Variants in MYO6 observed in about 807,000 individuals in gnomAD.
MYO6 encodes the protein myosin VI.
MYO6 carries 74 observed loss-of-function variants against 178.7 expected under a neutral mutation model. That is an observed-to-expected ratio of 0.41 (90% CI 0.34 to 0.50). MYO6 has a LOEUF of 0.50. Among genes scored for constraint, MYO6 ranks in the 20% least tolerant of loss-of-function variants. The probability of loss-of-function intolerance (pLI) is 0.09; values close to 1 mark genes in which losing one functional copy is unlikely to be tolerated. For missense variants in MYO6, 1,330 were observed against 1,547.4 expected (o/e 0.86, Z 2.36); for synonymous variants, 477 against 504.6 (o/e 0.95, Z 0.73).
At chr6:75,831,723 C>G (rs1183715327) in intron 5 of MYO6, among the ~76,000 whole-genome samples, 1 of 151,578 alleles carries the variant, frequency 6.6e-6, no homozygotes, top group Admixed American at 6.6e-5. Flanking sequence ...AAAATCTTGT[C>G]TCTATAAAAA....
intron 5 of MYO6, among the ~76,000 whole-genome samples, chr6:75,830,927 C>G (rs779035835): frequency 1.1e-4 from 17 of 152,200 alleles, no homozygotes; most frequent in Non-Finnish European, 2.5e-4. Flanking sequence ...GCCTTCATCT[C>G]TTACCCAGCT....
At chr6:75,885,254 C>T (rs1778338641) in intron 23 of MYO6, among the ~76,000 whole-genome samples, 1 of 152,136 alleles carries the variant, frequency 6.6e-6, no homozygotes, top group South Asian at 2.1e-4. Flanking sequence ...TTAAAACTGG[C>T]TGGGCGTGGT....
At chr6:75,825,318 C>T (rs1319845168) in intron 3 of MYO6, among the ~76,000 whole-genome samples, 3 of 152,050 alleles carry the variant, frequency 2.0e-5, no homozygotes, top group African/African-American at 7.2e-5. Flanking sequence ...AGAAACCGGG[C>T]GCAGTGGCCC....
At chr6:75,758,950 A>G (rs1777717061) in intron 1 of MYO6, among the ~76,000 whole-genome samples, 1 of 151,576 alleles carries the variant, frequency 6.6e-6, no homozygotes, top group East Asian at 1.9e-4. Flanking sequence ...GCTCACTGCA[A>G]TCTCCCCCTC....
At chr6:75,876,790 AATG>A (rs1381343462) in intron 20 of MYO6, among the ~76,000 whole-genome samples, 2 of 152,326 alleles carry the variant, frequency 1.3e-5, no homozygotes, top group African/African-American at 4.8e-5. Context: ...TAATAATGAT[AATG>A]ATATAGAATT....
At chr6:75,904,515 C>T (rs1437718137) in intron 30 of MYO6, among the ~76,000 whole-genome samples, 1 of 152,084 alleles carries the variant, frequency 6.6e-6, no homozygotes, top group African/African-American at 2.4e-5. Context: ...TCCAGTTGAT[C>T]GCATCGGCTC....
intron 16 of MYO6, among the ~76,000 whole-genome samples, chr6:75,866,143 T>C (rs1213970614): frequency 2.0e-5 from 3 of 152,204 alleles, no homozygotes; most frequent in Non-Finnish European, 4.4e-5. Context: ...GCTTTAGAAA[T>C]AGGTGGTTAA....
At chr6:75,775,028 A>G (rs1315416585) in intron 1 of MYO6, among the ~76,000 whole-genome samples, 3 of 152,278 alleles carry the variant, frequency 2.0e-5, no homozygotes, top group Middle Eastern at 3.4e-3. Flanking sequence ...TCCTGACCTC[A>G]GGTGATCTGC....
intron 30 of MYO6, among the ~76,000 whole-genome samples, chr6:75,906,193 C>T (rs1466092641): frequency 6.6e-6 from 1 of 151,754 alleles, no homozygotes; most frequent in African/African-American, 2.4e-5. Context: ...ATATTTTGTG[C>T]CACCTTCTTT....
intron 11 of MYO6, among the ~76,000 whole-genome samples, chr6:75,851,722 G>C (rs1775287157): frequency 6.6e-6 from 1 of 151,992 alleles, no homozygotes; most frequent in South Asian, 2.1e-4. Context: ...GTGCATGCCT[G>C]TAGTCCCAGC....
At chr6:75,841,495 C>A in intron 9 of MYO6, 117 bp downstream of exon 9, 1 of 965,466 alleles carries the variant, frequency 1.0e-6, no homozygotes, top group Non-Finnish European at 1.6e-6. Context: ...TCGAGAGCAG[C>A]CTGGGCAATG....
Position 75,914,288 on chromosome 6 carries a change from A to G in MYO6, c.3658+7A>G, listed in dbSNP as rs202127348. ...CCCATCCTACTTGTGGCTGGTGTGT[A>G]TGATTCACATGGAAAACAAATTATA... is the stretch of plus-strand genomic sequence containing the variant. On this transcript the variant is annotated splice_region_variant and intron_variant, in intron 34 of 34. Transcript: ENST00000369977. 7 of 1,613,664 alleles carry G rather than the reference A, an allele frequency of 4.3e-6. No individual in the cohort carries two copies. Among genetic ancestry groups the G allele is most frequent in the African/African-American group, 2.7e-5 (2 of 75,024 alleles).
At chr6:75,859,527 T>TG (rs955424050) in intron 14 of MYO6, among the ~76,000 whole-genome samples, 33 of 152,248 alleles carry the variant, frequency 2.2e-4, no homozygotes, top group African/African-American at 7.9e-4. Context: ...CTCGAACTCT[T>TG]GGCCTCAAGT....
At chr6:75,796,749 T>C (rs571003836) in intron 1 of MYO6, among the ~76,000 whole-genome samples, 70 of 152,116 alleles carry the variant, frequency 4.6e-4, no homozygotes, top group African/African-American at 1.6e-3. Context: ...ATTACAGGCA[T>C]GAGCCACCAC....
rs998590464 is a variant in MYO6 at position 75,756,726 on chromosome 6, C to T, written c.-48+7303C>T. On this transcript the variant is annotated intron_variant, in intron 1 of 34. Transcript: ENST00000369977. ...TACATTAGCTCAATCACTGTGTCAC[C>T]TCAGTGGTGCTGGTGTTATGACCTT... Among the ~76,000 whole-genome samples, 48 of 152,050 alleles carry T rather than the reference C, an allele frequency of 3.2e-4. 1 individual carries two copies. Among genetic ancestry groups the T allele is most frequent in the African/African-American group, 1.1e-3 (45 of 41,406 alleles).
At chr6:75,875,274 A>G (rs1298433837) in intron 20 of MYO6, among the ~76,000 whole-genome samples, 3 of 152,138 alleles carry the variant, frequency 2.0e-5, no homozygotes, top group Non-Finnish European at 4.4e-5. Context: ...GTTTAATTAA[A>G]AATTTTTTTT....
chr6:75,808,007 G>T (rs529990845), intron 1 of MYO6, among the ~76,000 whole-genome samples: 17 of 152,226 alleles, frequency 1.1e-4, no homozygotes, highest in African/African-American at 3.6e-4. Flanking sequence ...ACTCTGAAAG[G>T]TTGCCTCGTC....
chr6:75,750,968 A>G (rs1776842829), intron 1 of MYO6, among the ~76,000 whole-genome samples: 1 of 152,214 alleles, frequency 6.6e-6, no homozygotes, highest in South Asian at 2.1e-4. Context: ...TGGTCATGGT[A>G]CAAAGGTTGG....
intron 1 of MYO6, among the ~76,000 whole-genome samples, chr6:75,777,596 T>TTA (rs1184891273): frequency 2.0e-5 from 3 of 151,524 alleles, no homozygotes; most frequent in Admixed American, 6.6e-5. Flanking sequence ...CCCAGCTAAT[T>TTA]TATATATATA....
Sources: allele counts gnomAD v4.1 joint callset (sites outside exome capture counted in the v4.1 genomes callset), GRCh38; gene constraint gnomAD v4.1.1; transcripts MANE v1.5; gene names NCBI Gene and HGNC (gene_info 2026-07-23, HGNC 2026-07-21).